ITIH2: variants seen among roughly 807,000 people sequenced by gnomAD.
ITIH2 encodes inter-alpha-trypsin inhibitor heavy chain H2.
ITIH2 carries 103 observed loss-of-function variants against 104.4 expected under a neutral mutation model. The ratio of observed to expected loss-of-function variants is 0.99; its 90% CI spans 0.84 to 1.16. The LOEUF is 1.16. Among genes scored for constraint, ITIH2 ranks in the 50% most tolerant of loss-of-function variants. The probability of loss-of-function intolerance (pLI) is 0.00; values close to 1 mark genes in which losing one functional copy is unlikely to be tolerated. For missense variants in ITIH2, 1,108 were observed against 1,162.4 expected (o/e 0.95, Z 0.68); for synonymous variants, 436 against 435.4 (o/e 1.00, Z -0.02).
At chr10:7,709,690 A>G (rs1306920811) in intron 4 of ITIH2, among the ~76,000 whole-genome samples, 1 of 152,322 alleles carries the variant, frequency 6.6e-6, no homozygotes, top group African/African-American at 2.4e-5. Flanking sequence ...TCCCAAGGCA[A>G]TCAACTCAGT....
intron 19 of ITIH2, 93 bp downstream of exon 19, chr10:7,745,056 G>C: frequency 9.0e-7 from 1 of 1,113,442 alleles, no homozygotes; most frequent in Non-Finnish European, 1.3e-6. Context: ...GGACATGGCA[G>C]GTGTGGACTC....
intron 1 of ITIH2, 146 bp from the exon 2 acceptor site, chr10:7,704,962 C>T: frequency 1.9e-6 from 1 of 533,756 alleles, no homozygotes; most frequent in Non-Finnish European, 3.3e-6. Context: ...AGGAGAAATA[C>T]CTGACGTAAA....
At chr10:7,711,366 G>A (rs953158118) in intron 4 of ITIH2, among the ~76,000 whole-genome samples, 4 of 152,128 alleles carry the variant, frequency 2.6e-5, no homozygotes, top group East Asian at 1.9e-4. Flanking sequence ...GGACAGAATC[G>A]TGAAACATGC....
At chr10:7,734,776 G>C in intron 14 of ITIH2, 146 bp from the exon 15 acceptor site, 1 of 622,786 alleles carries the variant, frequency 1.6e-6, no homozygotes, top group South Asian at 2.3e-5. Flanking sequence ...CTCGAAGCCA[G>C]TGAGTTCTGT....
At chr10:7,745,034 GT>G in intron 19 of ITIH2, 71 bp downstream of exon 19, 2 of 1,386,370 alleles carry the variant, frequency 1.4e-6, no homozygotes, top group Non-Finnish European at 2.0e-6. Context: ...GTTGACAGTG[GT>G]TACAAGTTGA....
intron 5 of ITIH2, among the ~76,000 whole-genome samples, chr10:7,716,991 A>C (rs919026004): frequency 6.8e-6 from 1 of 146,334 alleles, no homozygotes; most frequent in African/African-American, 2.6e-5. Flanking sequence ...CTTGTTACCC[A>C]GACTGGAGTG....
At chr10:7,711,986 A>T (rs7087142) in intron 4 of ITIH2, among the ~76,000 whole-genome samples, 4,624 of 152,270 alleles carry the variant, frequency 0.03, 92 homozygotes, top group South Asian at 0.054. Context: ...TAGAGATGAG[A>T]TGCAAATAGA....
intron 4 of ITIH2, among the ~76,000 whole-genome samples, chr10:7,710,527 AT>A (rs199704866): frequency 1.9e-4 from 28 of 149,604 alleles, no homozygotes; most frequent in East Asian, 1.4e-3. Flanking sequence ...AAGTCTGGCT[AT>A]TTTTTTTTTA....
In ITIH2 at chr10:7,735,030, C is replaced by T. The variant is rs112603195; in HGVS notation, c.1896C>T (p.Asn632=). 1,918 of 1,613,510 alleles carry T rather than the reference C, an allele frequency of 1.2e-3. 22 individuals are homozygous for T. In the African/African-American group the frequency reaches 0.021, roughly 18 times the overall value. ...VTPLTSLVIE[N]EAGDERMLAD... ...CGCTGACCTCGCTGGTGATCGAGAA[C>T]GAGGCTGGGGATGAGCGCATGCTGG... Residue 632 remains asparagine, a synonymous_variant, in exon 15 of 21, where the codon AAC becomes AAT. Coordinates refer to ENST00000358415, the MANE Select transcript of ITIH2 (RefSeq NM_002216.3).
chr10:7,727,901 G>A, intron 11 of ITIH2, 73 bp downstream of exon 11: 1 of 1,542,988 alleles, frequency 6.5e-7, no homozygotes, highest in Non-Finnish European at 8.9e-7. Context: ...TTGCCTAAAA[G>A]GGGAACTCTA....
rs369842509 is a variant in ITIH2 at position 7,713,328 on chromosome 10, C to T, written c.467+43C>T. ...AAGGCTTGCCCTTGCCTCTCAATGA[C>T]GGTTTCCTCTCCTACTTCCTTCCCA... On this transcript the variant is annotated intron_variant, in intron 5 of 20. Transcript: ENST00000358415. The T allele has an allele frequency of 3.6e-5, 53 of 1,464,842 alleles. No homozygotes were observed. The East Asian group carries it at 4.1e-4, about 11-fold the overall frequency. 90.7% of individuals were successfully genotyped at this position (1,464,842 alleles called of 1,614,324 possible). A position where few individuals can be genotyped will look rare whatever the true frequency, so the allele number is the denominator to read the frequency against.
At chr10:7,730,204 A>T in intron 12 of ITIH2, 71 bp downstream of exon 12, 7 of 1,162,882 alleles carry the variant, frequency 6.0e-6, no homozygotes, top group Non-Finnish European at 8.6e-6. Flanking sequence ...TGATGCAGGT[A>T]TGATGCATAA....
At chr10:7,707,258 G>T in intron 3 of ITIH2, 25 bp downstream of exon 3, 1 of 1,552,174 alleles carries the variant, frequency 6.4e-7, no homozygotes, top group Non-Finnish European at 8.9e-7. Flanking sequence ...TGTTGTTACA[G>T]ATTGAATGAT....
chr10:7,730,497 T>A (rs1191876986), intron 12 of ITIH2, among the ~76,000 whole-genome samples: 2 of 152,172 alleles, frequency 1.3e-5, no homozygotes, highest in Non-Finnish European at 2.9e-5. Flanking sequence ...CATCTTGGTA[T>A]CAATTTTTCA....
At chr10:7,726,916 T>C (rs1232485267) in intron 9 of ITIH2, 34 bp from the exon 10 acceptor site, 1 of 1,516,364 alleles carries the variant, frequency 6.6e-7, no homozygotes. Context: ...AGATTTTCTG[T>C]AATGGGACCT....
intron 3 of ITIH2, among the ~76,000 whole-genome samples, chr10:7,708,500 G>T (rs1834767083): frequency 6.6e-6 from 1 of 152,302 alleles, no homozygotes; most frequent in East Asian, 1.9e-4. Flanking sequence ...GAAAAGGACT[G>T]CAGATGAAAT....
intron 9 of ITIH2, 112 bp downstream of exon 9, chr10:7,723,679 A>T: frequency 1.3e-6 from 1 of 749,500 alleles, no homozygotes; most frequent in South Asian, 1.6e-5. Context: ...AAGCTCAGGG[A>T]CTGTGGTTAC....
At chr10:7,719,384 A>G (rs551490607) in intron 6 of ITIH2, among the ~76,000 whole-genome samples, 3 of 152,210 alleles carry the variant, frequency 2.0e-5, no homozygotes, top group Non-Finnish European at 4.4e-5. Context: ...GTGTTGTTGG[A>G]CATTTTTCCA....
intron 12 of ITIH2, among the ~76,000 whole-genome samples, chr10:7,731,111 G>T (rs1178009891): frequency 6.6e-6 from 1 of 151,974 alleles, no homozygotes; most frequent in Non-Finnish European, 1.5e-5. Context: ...AAGAGACAGG[G>T]TTTACCATGT....
Sources: allele counts gnomAD v4.1 joint callset (sites outside exome capture counted in the v4.1 genomes callset), GRCh38; gene constraint gnomAD v4.1.1; transcripts MANE v1.5; gene names NCBI Gene and HGNC (gene_info 2026-07-23, HGNC 2026-07-21).